Variants in EPS8 observed in about 807,000 individuals in gnomAD.
The protein encoded by EPS8 is epidermal growth factor receptor kinase substrate 8.
In EPS8, 42 loss-of-function variants were observed where a neutral mutation model predicts 103.8. The ratio of observed to expected loss-of-function variants is 0.40; its 90% CI spans 0.32 to 0.52. The LOEUF is 0.52. Among genes scored for constraint, EPS8 ranks in the 20% least tolerant of loss-of-function variants. EPS8 has a pLI of 0.40. For missense variants in EPS8, 969 were observed against 1,005.1 expected (o/e 0.96, Z 0.49); for synonymous variants, 344 against 344.6 (o/e 1.00, Z 0.02).
chr12:15,630,422 T>A (rs1203038158), intron 18 of EPS8, among the ~76,000 whole-genome samples: 1 of 152,132 alleles, frequency 6.6e-6, no homozygotes, highest in Non-Finnish European at 1.5e-5. Context: ...ATCTTAAAAC[T>A]ACCTTCAGTT....
rs1947244739 is a variant in EPS8 at position 15,780,118 on chromosome 12, C to T, written c.-22+9043G>A. On this transcript the variant is annotated intron_variant, in intron 1 of 20. Coordinates refer to ENST00000281172, the MANE Select transcript of EPS8 (RefSeq NM_004447.6). This position sits in a 1 kb window ranked among gnomAD's most constrained non-coding sequence, Gnocchi z 4.1. ...GAGCTACATTTAGAAGGCCATGTGA[C>T]TAGAAGAGAAGATTTATGCAATTCT... is the stretch of plus-strand genomic sequence containing the variant. 3.3e-5 allele frequency: 5 copies of T among 152,288 alleles called. No homozygotes were observed. In the South Asian group the frequency reaches 1.0e-3, roughly 32 times the overall value. The allele number at this position is 152,288 out of a possible 1,614,324, so 9.4% of individuals were successfully genotyped here.
At chr12:15,676,429 A>G (rs1591845486) in intron 3 of EPS8, among the ~76,000 whole-genome samples, 1 of 152,116 alleles carries the variant, frequency 6.6e-6, no homozygotes, top group Non-Finnish European at 1.5e-5. Flanking sequence ...AGTCACATGG[A>G]AAAAGCAGCC....
At chr12:15,644,386 C>T (rs1390717225) in intron 15 of EPS8, among the ~76,000 whole-genome samples, 2 of 151,868 alleles carry the variant, frequency 1.3e-5, no homozygotes, top group African/African-American at 4.8e-5. Flanking sequence ...ACTTTTTTTT[C>T]CCCTTGTTCA....
chr12:15,645,420 CTCTTAACT>C (rs1425681885), intron 15 of EPS8, among the ~76,000 whole-genome samples: 3 of 23,590 alleles, frequency 1.3e-4, no homozygotes, highest in Non-Finnish European at 9.8e-4. Context: ...CTCATCTTCC[CTCTTAACT>C]TCTTAATTTT....
chr12:15,682,956 T>C lies in EPS8; in HGVS notation c.-5A>G, dbSNP rs746909803. 22 of 1,574,830 alleles carry C rather than the reference T, an allele frequency of 1.4e-5. No homozygotes were observed. The highest frequency in any genetic ancestry group is 1.8e-5 in the Admixed American group (1 of 55,148). On this transcript the variant is annotated 5_prime_UTR_variant, in exon 2 of 21. Transcript: ENST00000281172. Reference sequence around the variant, plus strand: ...ATTAGAAATATGACCATTCATTGTGTCTTTCACTTGTGTGTTCTAAAAAAA... The same window carrying C: ...ATTAGAAATATGACCATTCATTGTGCCTTTCACTTGTGTGTTCTAAAAAAA...
chr12:15,716,572 G>A lies in EPS8; in HGVS notation c.-21-33600C>T, dbSNP rs947621278. ...AGTCACAGGAAATATTATATATTTC[G>A]AATGTGACAGATTTGGTTACTGCAC... On this transcript the variant is annotated intron_variant, in intron 1 of 20. Transcript: ENST00000281172. The surrounding 1 kb of genome is among the most constrained non-coding windows in gnomAD (Gnocchi z 5.0). Among the ~76,000 whole-genome samples, 3 of 152,090 alleles carry A rather than the reference G, an allele frequency of 2.0e-5. No homozygotes were observed. Among genetic ancestry groups the A allele is most frequent in the South Asian group, 2.1e-4 (1 of 4,826 alleles).
At position 15,771,874 on chromosome 12, in the gene EPS8, C is replaced by T. The variant is rs1947158490; in HGVS notation, c.-22+17287G>A. Among the ~76,000 whole-genome samples the T allele has an allele frequency of 6.6e-6, 1 of 152,052 alleles. No individual in the cohort carries two copies. Among genetic ancestry groups the T allele is most frequent in the Non-Finnish European group, 1.5e-5 (1 of 67,994 alleles). ...GGGCGGTGGCTCATGCCTGTAATCA[C>T]AGCACTTTGGGAGGCCGAGGTGGGT... On this transcript the variant is annotated intron_variant, in intron 1 of 20. Transcript: ENST00000281172. This position sits in a 1 kb window ranked among gnomAD's most constrained non-coding sequence, Gnocchi z 4.6.
chr12:15,788,152 TCA>T (rs962980607), intron 1 of EPS8: 1 of 152,150 alleles, frequency 6.6e-6, no homozygotes, highest in Non-Finnish European at 1.5e-5. Context: ...AGCCAAAAAG[TCA>T]CACTCTTCAC....
chr12:15,765,116 A>C (rs575034218), intron 1 of EPS8, among the ~76,000 whole-genome samples: 2 of 152,302 alleles, frequency 1.3e-5, no homozygotes, highest in Admixed American at 6.5e-5. Context: ...GAGCAGAGCC[A>C]ATTTTTAGCA....
In EPS8 at chr12:15,641,782, C is replaced by A. The variant is rs776677683; in HGVS notation, c.1617G>T (p.Lys539Asn). ...KTQPKKYAKS[K>N]YDFVARNNSE... is the part of the protein sequence containing the mutation. Reference sequence around the variant, plus strand: ...TGTTGTTCCTTGCTACAAAGTCATACTTGGATTTGGCATATTTCTTGGGTT... The same window carrying A: ...TGTTGTTCCTTGCTACAAAGTCATAATTGGATTTGGCATATTTCTTGGGTT... The change falls in exon 16 of 21, where the codon AAG becomes AAT. Residue 539 changes from lysine to asparagine, a missense_variant. Lys to Asn is a moderately conservative substitution (Grantham distance 94). Transcript: ENST00000281172. The A allele has an allele frequency of 6.2e-7, 1 of 1,601,722 alleles. No homozygotes were observed. The highest frequency in any genetic ancestry group is 1.3e-5 in the African/African-American group (1 of 74,592).
At chr12:15,676,325 A>AT (rs1005815098) in intron 3 of EPS8, among the ~76,000 whole-genome samples, 6 of 151,376 alleles carry the variant, frequency 4.0e-5, no homozygotes, top group African/African-American at 7.3e-5. Flanking sequence ...CACTAAGAAC[A>AT]TTTTTTATCT....
At chr12:15,692,174 G>A (rs1946181775) in intron 1 of EPS8, among the ~76,000 whole-genome samples, 1 of 152,030 alleles carries the variant, frequency 6.6e-6, no homozygotes, top group Admixed American at 6.5e-5. Flanking sequence ...TATTTTGGTA[G>A]GGCACATACT....
chr12:15,658,637 T>C (rs1240281599), intron 10 of EPS8, 52 bp from the exon 11 acceptor site: 6 of 1,261,042 alleles, frequency 4.8e-6, no homozygotes, highest in Non-Finnish European at 6.9e-6. Flanking sequence ...AGGAAATTTA[T>C]TAAATGGAAA....
rs1483908281 is a variant in EPS8, at chr12:15,779,637, A to AT, written c.-22+9523_-22+9524insA. On this transcript the variant is annotated intron_variant, in intron 1 of 20. Transcript: ENST00000281172. The surrounding 1 kb of genome is among the most constrained non-coding windows in gnomAD (Gnocchi z 4.3). ...TATTCTAATGGTGTTAACAGAAGAT[A>AT]ATTCAACAGCCCTCAATAAGGGACT... Among the ~76,000 whole-genome samples, 1 of 152,208 alleles carries AT rather than the reference A, an allele frequency of 6.6e-6. No individual in the cohort carries two copies. Among genetic ancestry groups the AT allele is most frequent in the Non-Finnish European group, 1.5e-5 (1 of 68,026 alleles).
Position 15,647,269 on chromosome 12 carries a change from C to CA in EPS8, c.1435-10dup. On this transcript the variant is annotated splice_polypyrimidine_tract_variant and intron_variant, in intron 14 of 20. Coordinates refer to ENST00000281172, the MANE Select transcript of EPS8 (RefSeq NM_004447.6). ...TCTGATACACTGGAATGCTGAAAGA[C>CA]AAAGTGGGGCAGATTAAAGAATCAC... 6.2e-7 allele frequency: 1 copy of CA among 1,607,306 alleles called. No individual in the cohort carries two copies. The highest frequency in any genetic ancestry group is 8.5e-7 in the Non-Finnish European group (1 of 1,176,966).
chr12:15,768,549 T>C (rs1440512451), intron 1 of EPS8, among the ~76,000 whole-genome samples: 2 of 149,152 alleles, frequency 1.3e-5, no homozygotes, highest in African/African-American at 4.9e-5. Context: ...AATAAGAACA[T>C]CACTTGAGGA....
At chr12:15,672,217 G>A (rs1213236411) in intron 3 of EPS8, among the ~76,000 whole-genome samples, 1 of 152,036 alleles carries the variant, frequency 6.6e-6, no homozygotes, top group African/African-American at 2.4e-5. Flanking sequence ...AAAATATAAA[G>A]TGCATATATA....
chr12:15,658,284 G>A lies in EPS8; in HGVS notation c.1027-131C>T, dbSNP rs1945543742. 8.8e-6 allele frequency: 6 copies of A among 683,056 alleles called. No individual in the cohort carries two copies. The East Asian group carries it at 1.6e-4, about 18-fold the overall frequency. The allele number at this position is 683,056 out of a possible 1,614,324, so 42.3% of individuals were successfully genotyped here. A position where few individuals can be genotyped will look rare whatever the true frequency, so the allele number is the denominator to read the frequency against. On this transcript the variant is annotated intron_variant, in intron 11 of 20. Transcript: ENST00000281172. ...TTTAATATATTCTTTAGCATGGATA[G>A]AGTGAGAATAGAAGTCATTGTTTTT...
At chr12:15,743,281 G>A (rs950541019) in intron 1 of EPS8, among the ~76,000 whole-genome samples, 5 of 152,078 alleles carry the variant, frequency 3.3e-5, no homozygotes, top group African/African-American at 1.2e-4. Flanking sequence ...ACAAATGGAA[G>A]AACATTCCAT....
Sources: allele counts gnomAD v4.1 joint callset (sites outside exome capture counted in the v4.1 genomes callset), GRCh38; gene constraint gnomAD v4.1.1; non-coding constraint Gnocchi (gnomAD v3.1); transcripts MANE v1.5; gene names NCBI Gene and HGNC (gene_info 2026-07-23, HGNC 2026-07-21).